CNTNAP5: variants seen among roughly 807,000 people sequenced by gnomAD.
CNTNAP5 encodes contactin-associated protein-like 5.
A neutral mutation model predicts 150.2 loss-of-function variants in CNTNAP5; 72 were observed. That is an observed-to-expected ratio of 0.48 (90% confidence interval 0.40 to 0.58). CNTNAP5 has a LOEUF of 0.58. CNTNAP5 is among the 20% of genes least tolerant of loss of function. CNTNAP5 has a pLI of 0.00. For synonymous variants in CNTNAP5, 672 were observed against 619.8 expected (o/e 1.08, Z -1.25); for missense variants, 1,636 against 1,626.2 (o/e 1.01, Z -0.10).
intron 1 of CNTNAP5, among the ~76,000 whole-genome samples, chr2:124,188,716 CAAA>C (rs70996047): frequency 5.2e-4 from 38 of 73,056 alleles, no homozygotes; most frequent in African/African-American, 2.2e-3. Flanking sequence ...GACTCTGTCT[CAAA>C]AAAAAAAAAA....
chr2:124,486,864 A>G (rs1693893367), intron 7 of CNTNAP5, among the ~76,000 whole-genome samples: 1 of 152,242 alleles, frequency 6.6e-6, no homozygotes, highest in African/African-American at 2.4e-5. Context: ...CTCAGACTCA[A>G]AAAGTTTAGA....
intron 13 of CNTNAP5, among the ~76,000 whole-genome samples, chr2:124,662,219 A>T (rs1308192335): frequency 6.6e-6 from 1 of 152,124 alleles, no homozygotes; most frequent in Non-Finnish European, 1.5e-5. Context: ...TTCTTTATCC[A>T]GTCTATTATT....
chr2:124,775,010 G>T (rs563351969), intron 17 of CNTNAP5, among the ~76,000 whole-genome samples: 1 of 152,194 alleles, frequency 6.6e-6, no homozygotes, highest in Non-Finnish European at 1.5e-5. Flanking sequence ...AAGGTCAGCT[G>T]TGGCAAGAGC....
At chr2:124,628,622 A>T (rs917290159) in intron 12 of CNTNAP5, among the ~76,000 whole-genome samples, 1 of 152,204 alleles carries the variant, frequency 6.6e-6, no homozygotes, top group Admixed American at 6.5e-5. Flanking sequence ...ACACTGAAGT[A>T]CACAGACCAA....
intron 6 of CNTNAP5, among the ~76,000 whole-genome samples, chr2:124,451,046 AAAAAAAT>A (rs1172735680): frequency 2.9e-3 from 214 of 73,280 alleles, no homozygotes; most frequent in Middle Eastern, 7.4e-3. Context: ...AAAAAAAAAA[AAAAAAAT>A]ATATATATAT....
At chr2:124,459,140 A>G (rs1185974012) in intron 6 of CNTNAP5, among the ~76,000 whole-genome samples, 1 of 152,214 alleles carries the variant, frequency 6.6e-6, no homozygotes, top group Non-Finnish European at 1.5e-5. Context: ...CTTATCAAAA[A>G]GGGATTTGAT....
intron 17 of CNTNAP5, among the ~76,000 whole-genome samples, chr2:124,786,450 A>AGAAG (rs1681590955): frequency 2.5e-5 from 2 of 80,708 alleles, no homozygotes; most frequent in Non-Finnish European, 2.5e-5. Flanking sequence ...AAGGAAGGAA[A>AGAAG]GAAAGAAAGA....
intron 13 of CNTNAP5, among the ~76,000 whole-genome samples, chr2:124,715,059 G>T (rs1359549749): frequency 6.6e-6 from 1 of 152,158 alleles, no homozygotes; most frequent in Non-Finnish European, 1.5e-5. Flanking sequence ...GCAATAAGAG[G>T]CAAAAGTAAT....
chr2:124,138,656 C>G (rs1012866536), intron 1 of CNTNAP5, among the ~76,000 whole-genome samples: 3 of 152,110 alleles, frequency 2.0e-5, no homozygotes, highest in Non-Finnish European at 4.4e-5. Context: ...ATTCTGCATG[C>G]AAAGCCAAAT....
intron 16 of CNTNAP5, among the ~76,000 whole-genome samples, chr2:124,766,232 G>A (rs1472143232): frequency 6.6e-6 from 1 of 152,026 alleles, no homozygotes; most frequent in Non-Finnish European, 1.5e-5. Context: ...TAAAGACTCA[G>A]GCTTGTCATT....
Position 124,647,823 on chromosome 2 carries a change from C to T in CNTNAP5, c.1942C>T (p.Pro648Ser). 1 of 1,613,504 alleles carries T rather than the reference C, an allele frequency of 6.2e-7. No individual in the cohort carries two copies. Among genetic ancestry groups the T allele is most frequent in the Non-Finnish European group, 8.5e-7 (1 of 1,179,692 alleles). ...TELTRVRGAN[P>S]EKPYAMALDY... is the part of the protein sequence containing the mutation. ...GCTGACCCGAGTGCGGGGCGCTAAC[C>T]CTGAGAAGCCCTATGCCATGGCCTT... is the stretch of plus-strand genomic sequence containing the variant. The change falls in exon 13 of 24, where the codon CCT becomes TCT. Residue 648 changes from proline to serine, a missense_variant. Pro to Ser is a moderately conservative substitution (Grantham distance 74). Transcript: ENST00000682447.
chr2:124,119,423 T>C (rs913891982), intron 1 of CNTNAP5, among the ~76,000 whole-genome samples: 1 of 151,402 alleles, frequency 6.6e-6, no homozygotes, highest in Non-Finnish European at 1.5e-5. Flanking sequence ...TGGTAATTAC[T>C]AGGCACTTAG....
chr2:124,111,227 G>C (rs1164494807), intron 1 of CNTNAP5, among the ~76,000 whole-genome samples: 1 of 152,136 alleles, frequency 6.6e-6, no homozygotes, highest in Admixed American at 6.5e-5. Flanking sequence ...AACACAAAAA[G>C]AGAGGAGGAA....
At chr2:124,103,309 T>TGCA (rs1176879244) in intron 1 of CNTNAP5, among the ~76,000 whole-genome samples, 2 of 152,094 alleles carry the variant, frequency 1.3e-5, no homozygotes. Context: ...TATAGTAAGC[T>TGCA]GCAGTTAATT....
intron 13 of CNTNAP5, among the ~76,000 whole-genome samples, chr2:124,706,931 A>AAGG (rs1679673182): frequency 1.9e-5 from 2 of 105,920 alleles, no homozygotes; most frequent in Non-Finnish European, 4.1e-5. Context: ...GAAGAAGAAG[A>AAGG]AGAAGAAGAA....
intron 3 of CNTNAP5, among the ~76,000 whole-genome samples, chr2:124,321,147 TA>T (rs767861442): frequency 2.0e-5 from 3 of 152,014 alleles, no homozygotes; most frequent in Non-Finnish European, 4.4e-5. Flanking sequence ...GAGCTAAAAA[TA>T]AAGAAAAGGA....
At chr2:124,284,873 G>A (rs1373891232) in intron 3 of CNTNAP5, among the ~76,000 whole-genome samples, 1 of 152,146 alleles carries the variant, frequency 6.6e-6, no homozygotes, top group African/African-American at 2.4e-5. Context: ...AGTGGGGAAT[G>A]AGAGAAATGA....
intron 3 of CNTNAP5, among the ~76,000 whole-genome samples, chr2:124,306,276 C>G (rs1003332062): frequency 6.6e-6 from 1 of 152,202 alleles, no homozygotes; most frequent in African/African-American, 2.4e-5. Context: ...CTCTCAGTCT[C>G]AGCCACCCTT....
chr2:124,770,272 G>T (rs1681161584), intron 16 of CNTNAP5, among the ~76,000 whole-genome samples: 1 of 152,146 alleles, frequency 6.6e-6, no homozygotes, highest in Non-Finnish European at 1.5e-5. Flanking sequence ...TTCTAGAGTT[G>T]CAGACTCGGG....
Sources: allele counts gnomAD v4.1 joint callset (sites outside exome capture counted in the v4.1 genomes callset), GRCh38; gene constraint gnomAD v4.1.1; transcripts MANE v1.5; gene names NCBI Gene and HGNC (gene_info 2026-07-23, HGNC 2026-07-21).